The following MRPS18C variants were observed in gnomAD, a reference collection of about 807,000 sequenced individuals.
MRPS18C encodes the protein mitochondrial ribosomal protein S18C.
Under a neutral mutation model 21.0 loss-of-function variants are expected in MRPS18C, and 21 were observed. The observed-to-expected ratio is 1.00, with a 90% CI of 0.71 to 1.44. MRPS18C has a LOEUF of 1.44. Ranked by LOEUF, MRPS18C falls within the 40% of genes most tolerant of loss-of-function variation. The pLI is 0.00. For synonymous variants in MRPS18C, 65 were observed against 54.3 expected (o/e 1.20, Z -0.87); for missense variants, 152 against 171.5 (o/e 0.89, Z 0.64).
At chr4:83,459,650 TA>T (rs1260049008) in intron 3 of MRPS18C, 89 bp from the exon 4 acceptor site, 1 of 1,132,656 alleles carries the variant, frequency 8.8e-7, no homozygotes, top group Non-Finnish European at 1.3e-6. Flanking sequence ...TAAAGCTTTA[TA>T]TAACCTGAAG....
In MRPS18C at chr4:83,462,109, T is replaced by C; in HGVS notation, c.*912T>C. 1 of 245,938 alleles carries C rather than the reference T, an allele frequency of 4.1e-6. No homozygotes were observed. The highest frequency in any genetic ancestry group is 7.9e-6 in the Non-Finnish European group (1 of 127,350). 15.2% of individuals were successfully genotyped at this position (245,938 alleles called of 1,614,324 possible). ...GGTCTCAATACGTTGCCCAGGCTGG[T>C]CTCTAACTCCTAACTTCAATCAATC... On this transcript the variant is annotated 3_prime_UTR_variant, in exon 6 of 6. Transcript: ENST00000295491.
rs200477109 is a variant in MRPS18C at position 83,458,392 on chromosome 4, T to C, written c.197T>C (p.Ile66Thr). ...TATAAAGAACCTCTTAAGAAATGTA[T>C]CTTGTGTGGAAAGCATGTAGATTAT... ...NPYKEPLKKC[I>T]LCGKHVDYKN... is the part of the protein sequence containing the mutation. Residue 66 changes from isoleucine to threonine, a missense_variant, in exon 3 of 6, where the codon ATC becomes ACC. By Grantham distance (89) the Ile-to-Thr change is moderately conservative. Coordinates refer to ENST00000295491, the MANE Select transcript of MRPS18C (RefSeq NM_016067.4). The C allele has an allele frequency of 1.1e-5, 17 of 1,606,140 alleles. No homozygotes were observed. Among genetic ancestry groups the C allele is most frequent in the Non-Finnish European group, 1.4e-5 (16 of 1,174,164 alleles).
chr4:83,460,763 G>C (rs1039571064), intron 4 of MRPS18C: 7 of 497,228 alleles, frequency 1.4e-5, no homozygotes, highest in Non-Finnish European at 2.5e-5. Flanking sequence ...AAAATTATCC[G>C]GGTGTGGCGG....
rs112725033 is a variant in MRPS18C at position 83,456,527 on chromosome 4, A to G, written c.100+350A>G. ...AAAATTGCATAATTTTTGCAATTTT[A>G]TCTTCTCTGTGCTTCTCTATAAATT... On this transcript the variant is annotated intron_variant, in intron 1 of 5. Coordinates refer to ENST00000295491, the MANE Select transcript of MRPS18C (RefSeq NM_016067.4). 4.3e-3 allele frequency among the ~76,000 whole-genome samples: 649 copies of G among 152,282 alleles called. 7 individuals are homozygous for G. Among genetic ancestry groups the G allele is most frequent in the African/African-American group, 0.015 (617 of 41,556 alleles).
Position 83,456,164 on chromosome 4 carries a change from C to T in MRPS18C, c.87C>T (p.Pro29=), listed in dbSNP as rs1290883737. The change falls in exon 1 of 6, where the codon CCC becomes CCT. Residue 29 remains proline, a synonymous_variant. Transcript: ENST00000295491. ...CGGCTGCTGTCAGCCTTACACATCC[C>T]GGGACTCACACGGGTAAAGTCTCCA... ...LVTAAVSLTH[P]GTHTVLWRRG... The T allele has an allele frequency of 1.2e-6, 2 of 1,609,864 alleles. No homozygotes were observed. The highest frequency in any genetic ancestry group is 1.7e-5 in the Admixed American group (1 of 59,820).
At position 83,461,932 on chromosome 4, in the gene MRPS18C, A is replaced by G. The variant is rs1346078238; in HGVS notation, c.*735A>G. 1 of 229,802 alleles carries G rather than the reference A, an allele frequency of 4.4e-6. No individual in the cohort carries two copies. Among genetic ancestry groups the G allele is most frequent in the Non-Finnish European group, 8.6e-6 (1 of 116,040 alleles). The allele number at this position is 229,802 out of a possible 1,614,324, so 14.2% of individuals were successfully genotyped here. A position where few individuals can be genotyped will look rare whatever the true frequency, so the allele number is the denominator to read the frequency against. ...GCAAATTTATTGCATGATATCCAGC[A>G]TTTTATCTGGCAACTCTAGCCATAA... is the stretch of plus-strand genomic sequence containing the variant. On this transcript the variant is annotated 3_prime_UTR_variant, in exon 6 of 6. Transcript: ENST00000295491.
At position 83,460,821 on chromosome 4, in the gene MRPS18C, G is replaced by T. The variant is rs535542234; in HGVS notation, c.293-152G>T. ...CTAAGGAGGCTGAGGCAAGATAATCGATTGAGCCTGGGTGGCGGAGGTTGC... is the reference window on the plus strand; with the variant it reads ...CTAAGGAGGCTGAGGCAAGATAATCTATTGAGCCTGGGTGGCGGAGGTTGC... On this transcript the variant is annotated intron_variant, in intron 4 of 5. Transcript: ENST00000295491. 5 of 627,684 alleles carry T rather than the reference G, an allele frequency of 8.0e-6. No homozygotes were observed. In the South Asian group the frequency reaches 9.3e-5, roughly 12 times the overall value. The allele number at this position is 627,684 out of a possible 1,614,324, so 38.9% of individuals were successfully genotyped here. A position where few individuals can be genotyped will look rare whatever the true frequency, so the allele number is the denominator to read the frequency against.
Position 83,456,074 on chromosome 4 carries a change from A to C in MRPS18C, c.-4A>C. On this transcript the variant is annotated 5_prime_UTR_variant, in exon 1 of 6. Transcript: ENST00000295491. ...ACGAAAGGAAGTGGAAGAAACGCGGAACCATGGCCGCTGTGGTTGCTGTTT... is the reference window on the plus strand; with the variant it reads ...ACGAAAGGAAGTGGAAGAAACGCGGCACCATGGCCGCTGTGGTTGCTGTTT... 1 of 1,612,332 alleles carries C rather than the reference A, an allele frequency of 6.2e-7. No individual in the cohort carries two copies. The highest frequency in any genetic ancestry group is 8.5e-7 in the Non-Finnish European group (1 of 1,179,980).
At chr4:83,458,482 T>C in intron 3 of MRPS18C, 53 bp downstream of exon 3, 2 of 1,357,788 alleles carry the variant, frequency 1.5e-6, no homozygotes, top group Non-Finnish European at 2.0e-6. Context: ...CTGATAGATC[T>C]GCTTAAAGAG....
At chr4:83,458,184 A>C in intron 2 of MRPS18C, 162 bp from the exon 3 acceptor site, 1 of 538,624 alleles carries the variant, frequency 1.9e-6, no homozygotes, top group Non-Finnish European at 3.2e-6. Flanking sequence ...CCATGCGTTA[A>C]TCCGTAGGCT....
chr4:83,457,963 T>C (rs144099791), intron 2 of MRPS18C: 1 of 201,842 alleles, frequency 5.0e-6, no homozygotes, highest in South Asian at 8.1e-5. Context: ...GATAAAATAC[T>C]TGATAGAGAC....
chr4:83,456,086 T>G lies in MRPS18C; in HGVS notation c.9T>G (p.Ala3=), dbSNP rs759861855. MA[A]VVAVCGGLGR... Reference sequence around the variant, plus strand: ...GGAAGAAACGCGGAACCATGGCCGCTGTGGTTGCTGTTTGCGGTGGTCTAG... The same window carrying G: ...GGAAGAAACGCGGAACCATGGCCGCGGTGGTTGCTGTTTGCGGTGGTCTAG... The change falls in exon 1 of 6, where the codon GCT becomes GCG. Residue 3 remains alanine (A), a synonymous_variant. Transcript: ENST00000295491. 8 of 1,612,390 alleles carry G rather than the reference T, an allele frequency of 5.0e-6. No individual in the cohort carries two copies. The South Asian group carries it at 6.6e-5, about 13-fold the overall frequency.
intron 3 of MRPS18C, 127 bp from the exon 4 acceptor site, chr4:83,459,613 A>T: frequency 1.3e-6 from 1 of 767,484 alleles, no homozygotes; most frequent in Non-Finnish European, 2.1e-6. Flanking sequence ...TTTTTCTTAT[A>T]TTTTATGAAA....
In MRPS18C at chr4:83,461,164, C is replaced by A; in HGVS notation, c.396C>A (p.Asp132Glu). Residue 132 changes from aspartate to glutamate, a missense_variant, in exon 6 of 6, where the codon GAC (aspartate) becomes GAA (glutamate). This residue lies in a region of MRPS18C where 34 missense variants were observed against 67.1 expected (regional missense o/e 0.51). Transcript: ENST00000295491. ...ACAAGGATCCTGCATATCTCAAGGA[C>A]CCTAAAGTTTGTAACATCAGATATC... ...VTYKDPAYLK[D>E]PKVCNIRYRE 6.2e-7 allele frequency: 1 copy of A among 1,612,880 alleles called. No homozygotes were observed. The highest frequency in any genetic ancestry group is 8.5e-7 in the Non-Finnish European group (1 of 1,179,682).
rs1560569283 is a variant in MRPS18C, at chr4:83,461,184, G to C, written c.416G>C (p.Arg139Thr). 6.2e-7 allele frequency: 1 copy of C among 1,612,036 alleles called. No individual in the cohort carries two copies. The highest frequency in any genetic ancestry group is 8.5e-7 in the Non-Finnish European group (1 of 1,179,396). The change falls in exon 6 of 6, where the codon AGA (arginine) becomes ACA (threonine). Residue 139 changes from arginine (R) to threonine (T), a missense_variant. By Grantham distance (71) the Arg-to-Thr change is moderately conservative (BLOSUM62 -1). Around this residue, in one of 2 missense-constraint regions of MRPS18C, gnomAD observed 34 missense variants for 67.1 expected, o/e 0.51. Coordinates refer to ENST00000295491, the MANE Select transcript of MRPS18C (RefSeq NM_016067.4). ...YLKDPKVCNI[R>T]YRE ...AAGGACCCTAAAGTTTGTAACATCA[G>C]ATATCGGGAATAAATTCTATCACGT...
At chr4:83,456,766 A>C (rs1316300975) in intron 1 of MRPS18C, 143 bp from the exon 2 acceptor site, 1 of 753,346 alleles carries the variant, frequency 1.3e-6, no homozygotes, top group East Asian at 2.7e-5. Flanking sequence ...CAAATATAAA[A>C]GTTTTTAACC....
At chr4:83,458,188 G>A (rs913802032) in intron 2 of MRPS18C, 158 bp from the exon 3 acceptor site, 13 of 544,948 alleles carry the variant, frequency 2.4e-5, no homozygotes, top group African/African-American at 1.2e-4. Flanking sequence ...GCGTTAATCC[G>A]TAGGCTAAAC....
chr4:83,461,081 T>C (rs1482430675), intron 5 of MRPS18C, 40 bp from the exon 6 acceptor site: 3 of 1,612,718 alleles, frequency 1.9e-6, no homozygotes, highest in Non-Finnish European at 2.5e-6. Flanking sequence ...GAAATTTTGC[T>C]CATTATGTTT....
intron 1 of MRPS18C, 70 bp from the exon 2 acceptor site, chr4:83,456,839 A>T: frequency 1.3e-6 from 2 of 1,535,802 alleles, no homozygotes; most frequent in Non-Finnish European, 1.8e-6. Context: ...CTGTCTCCAT[A>T]AAAACAAAAA....
Sources: allele counts gnomAD v4.1 joint callset (sites outside exome capture counted in the v4.1 genomes callset), GRCh38; gene constraint gnomAD v4.1.1; regional missense constraint gnomAD v4.1.1; transcripts MANE v1.5; gene names NCBI Gene and HGNC (gene_info 2026-07-23, HGNC 2026-07-21).